The following CECR2 variants were observed in gnomAD, a reference collection of about 807,000 sequenced individuals.
CECR2 encodes the protein chromatin remodeling regulator CECR2.
Under a neutral mutation model 154.5 loss-of-function variants are expected in CECR2, and 30 were observed. The observed-to-expected ratio is 0.19, with a 90% confidence interval of 0.15 to 0.26. The LOEUF (loss-of-function observed/expected upper bound fraction) is 0.26. Among genes scored for constraint, CECR2 ranks in the 10% least tolerant of loss-of-function variants. The pLI, the probability that CECR2 is intolerant of heterozygous loss-of-function variation, is 1.00. For synonymous variants in CECR2, 725 were observed against 683.7 expected (o/e 1.06, Z -0.94); for missense variants, 1,743 against 1,829.3 (o/e 0.95, Z 0.86).
chr22:17,379,606 G>GTT (rs2063162597), intron 1 of CECR2, among the ~76,000 whole-genome samples: 1 of 151,750 alleles, frequency 6.6e-6, no homozygotes, highest in South Asian at 2.1e-4. Flanking sequence ...GTGTGTGTGT[G>GTT]TGTGTGTGTG....
intron 1 of CECR2, among the ~76,000 whole-genome samples, chr22:17,461,161 G>A (rs997876992): frequency 6.6e-6 from 1 of 152,174 alleles, no homozygotes; most frequent in African/African-American, 2.4e-5. Context: ...TCTGTTTATT[G>A]TAGGTCCTAG....
chr22:17,443,073 C>T (rs2054608532), intron 1 of CECR2, among the ~76,000 whole-genome samples: 1 of 152,114 alleles, frequency 6.6e-6, no homozygotes, highest in South Asian at 2.1e-4. Flanking sequence ...AGTGGTATGT[C>T]CTGGTGTGTT....
At chr22:17,530,897 C>T (rs2056344265) in intron 9 of CECR2, among the ~76,000 whole-genome samples, 1 of 152,134 alleles carries the variant, frequency 6.6e-6, no homozygotes, top group Non-Finnish European at 1.5e-5. Flanking sequence ...ATGTTTTGTA[C>T]TAGAGGCTGA....
At chr22:17,436,547 C>A (rs1445049129) in intron 1 of CECR2, among the ~76,000 whole-genome samples, 1 of 152,210 alleles carries the variant, frequency 6.6e-6, no homozygotes, top group South Asian at 2.1e-4. Context: ...CTGTGGGAAA[C>A]TGCTTTTGTA....
intron 3 of CECR2, among the ~76,000 whole-genome samples, chr22:17,498,050 G>T (rs904182983): frequency 3.6e-4 from 55 of 152,330 alleles, no homozygotes; most frequent in African/African-American, 1.2e-3. Flanking sequence ...GAAGGAAGCT[G>T]TGGCCATCTC....
At chr22:17,368,601 G>A (rs981880468), upstream of CECR2, among the ~76,000 whole-genome samples, 10 of 152,074 alleles carry the variant, frequency 6.6e-5, no homozygotes, top group African/African-American at 2.2e-4. Flanking sequence ...CAATCCCTCC[G>A]CCGGGGCGTG....
chr22:17,376,801 C>A (rs2063124093), intron 1 of CECR2, among the ~76,000 whole-genome samples: 1 of 151,864 alleles, frequency 6.6e-6, no homozygotes, highest in South Asian at 2.1e-4. Flanking sequence ...ATCTGCCTGG[C>A]TAATTTTTGT....
At chr22:17,370,861 G>A (rs2063052086) in intron 1 of CECR2, among the ~76,000 whole-genome samples, 1 of 152,214 alleles carries the variant, frequency 6.6e-6, no homozygotes. Flanking sequence ...TTGGTTGGCA[G>A]GTTGAATTGC....
rs695573 is a variant in CECR2 at position 17,548,128 on chromosome 22, C to CT, written c.2861-5dup. On this transcript the variant is annotated intron_variant, in intron 16 of 18. Coordinates refer to ENST00000262608, the MANE Select transcript of CECR2 (RefSeq NM_001290047.2). ...CAGCTACTGAGTTATTTTTTCTCCTCTTTTTTTTTTTTTTTGCAGCAGAGC... is the reference window on the plus strand; with the variant it reads ...CAGCTACTGAGTTATTTTTTCTCCTCTTTTTTTTTTTTTTTTGCAGCAGAGC... The CT allele has an allele frequency of 0.074, 100,096 of 1,345,932 alleles. 187 individuals carry two copies. Among genetic ancestry groups the CT allele is most frequent in the South Asian group, 0.088 (5,941 of 67,532 alleles). 83.4% of individuals were successfully genotyped at this position (1,345,932 alleles called of 1,614,324 possible).
intron 2 of CECR2, among the ~76,000 whole-genome samples, chr22:17,493,224 G>A (rs997407489): frequency 2.0e-5 from 3 of 152,014 alleles, no homozygotes; most frequent in Non-Finnish European, 2.9e-5. Flanking sequence ...TGCCCATCTC[G>A]GCCTCCCAAA....
At chr22:17,532,041 A>G (rs1569146406) in intron 9 of CECR2, among the ~76,000 whole-genome samples, 1 of 151,996 alleles carries the variant, frequency 6.6e-6, no homozygotes, top group Non-Finnish European at 1.5e-5. Flanking sequence ...ATGGTGGTGC[A>G]TGCCTGTAGT....
intron 1 of CECR2, among the ~76,000 whole-genome samples, chr22:17,467,459 A>G (rs1023055533): frequency 6.6e-6 from 1 of 152,164 alleles, no homozygotes. Context: ...AGATTCCTCA[A>G]TCTGGCTGAT....
chr22:17,455,971 C>T (rs1425259186), intron 1 of CECR2, among the ~76,000 whole-genome samples: 1 of 152,150 alleles, frequency 6.6e-6, no homozygotes, highest in African/African-American at 2.4e-5. Flanking sequence ...GGTCTCATAT[C>T]AGGGCTCAAC....
intron 1 of CECR2, among the ~76,000 whole-genome samples, chr22:17,451,052 A>C (rs1401354352): frequency 6.6e-6 from 1 of 152,218 alleles, no homozygotes; most frequent in African/African-American, 2.4e-5. Flanking sequence ...CTCCGTGTCA[A>C]AGAGGACAGA....
chr22:17,516,434 GA>G lies in CECR2; in HGVS notation c.954+4542del, dbSNP rs531482949. 5.9e-3 allele frequency among the ~76,000 whole-genome samples: 896 copies of G among 152,176 alleles called. 8 individuals carry two copies. Among genetic ancestry groups the G allele is most frequent in the African/African-American group, 0.021 (872 of 41,528 alleles). On this transcript the variant is annotated intron_variant, in intron 8 of 18. Coordinates refer to ENST00000262608, the MANE Select transcript of CECR2 (RefSeq NM_001290047.2). ...CATATTACGATAAATCCCTTCTTTAGAAAAGTATTGATATGGTTTGGCTCTG... is the reference window on the plus strand; with the variant it reads ...CATATTACGATAAATCCCTTCTTTAGAAAGTATTGATATGGTTTGGCTCTG...
chr22:17,510,600 TTTTC>T (rs1157371365), intron 7 of CECR2, among the ~76,000 whole-genome samples: 1 of 152,146 alleles, frequency 6.6e-6, no homozygotes, highest in Non-Finnish European at 1.5e-5. Flanking sequence ...GTCATTCTCT[TTTTC>T]TTTCTTTCTT....
chr22:17,432,950 T>C (rs1455905425), intron 1 of CECR2, among the ~76,000 whole-genome samples: 1 of 152,206 alleles, frequency 6.6e-6, no homozygotes, highest in African/African-American at 2.4e-5. Flanking sequence ...AGATGCTTTA[T>C]TGTTACCCAT....
chr22:17,446,755 G>C (rs920857706), intron 1 of CECR2, among the ~76,000 whole-genome samples: 1 of 151,324 alleles, frequency 6.6e-6, no homozygotes, highest in South Asian at 2.1e-4. Flanking sequence ...AGACACAAAA[G>C]AGTGAGCAGC....
At position 17,374,378 on chromosome 22, in the gene CECR2, T is replaced by TA. The variant is rs141395484; in HGVS notation, c.126+4472dup. 0.012 allele frequency among the ~76,000 whole-genome samples: 1,898 copies of TA among 152,294 alleles called. 141 individuals are homozygous for TA. The East Asian group carries it at 0.21, about 17-fold the overall frequency. On this transcript the variant is annotated intron_variant, in intron 1 of 18. Transcript: ENST00000262608. ...ATCAAGTGCTGAATGCATGGATTGT[T>TA]AAACATTAAGTAATAGAAATAGCTA... is the stretch of plus-strand genomic sequence containing the variant.
Sources: allele counts gnomAD v4.1 joint callset (sites outside exome capture counted in the v4.1 genomes callset), GRCh38; gene constraint gnomAD v4.1.1; transcripts MANE v1.5; gene names NCBI Gene and HGNC (gene_info 2026-07-23, HGNC 2026-07-21).